The following WDR33 variants were observed in gnomAD, a reference collection of about 807,000 sequenced individuals.
WDR33 encodes pre-mRNA 3' end processing protein WDR33.
WDR33 carries 47 observed loss-of-function variants against 164.9 expected under a neutral mutation model. The ratio of observed to expected loss-of-function variants is 0.29; its 90% CI spans 0.23 to 0.36. The LOEUF is 0.36. WDR33 is among the 10% of genes least tolerant of loss of function. The pLI, the probability that WDR33 is intolerant of heterozygous loss-of-function variation, is 1.00. For missense variants in WDR33, 1,137 were observed against 1,754.1 expected (o/e 0.65, Z 6.28); for synonymous variants, 505 against 589.0 (o/e 0.86, Z 2.06).
intron 1 of WDR33, among the ~76,000 whole-genome samples, chr2:127,801,674 G>C (rs1181137785): frequency 6.6e-6 from 1 of 152,132 alleles, no homozygotes; most frequent in Non-Finnish European, 1.5e-5. Flanking sequence ...CTTGAGGTTA[G>C]GAGTTCAAGA....
intron 7 of WDR33, among the ~76,000 whole-genome samples, chr2:127,754,232 G>T (rs1687452294): frequency 6.6e-6 from 1 of 152,172 alleles, no homozygotes; most frequent in Non-Finnish European, 1.5e-5. Context: ...TTAACTCTTT[G>T]CAATGCTTGA....
Position 127,764,319 on chromosome 2 carries a change from C to A in WDR33, c.626+509G>T. ...CATTCATTACTCCGTTAATGTTTGC[C>A]ACATCCAGTTATCTGTGAGGGTTTT... On this transcript the variant is annotated intron_variant, in intron 6 of 21. Transcript: ENST00000322313. This position sits in a 1 kb window ranked among gnomAD's most constrained non-coding sequence, Gnocchi z 6.2. 7.4e-7 allele frequency: 1 copy of A among 1,344,544 alleles called. No individual in the cohort carries two copies. The highest frequency in any genetic ancestry group is 9.5e-7 in the Non-Finnish European group (1 of 1,047,928). The allele number at this position is 1,344,544 out of a possible 1,614,324, so 83.3% of individuals were successfully genotyped here.
chr2:127,711,768 A>C (rs866761383), intron 18 of WDR33, among the ~76,000 whole-genome samples: 2 of 70,268 alleles, frequency 2.8e-5, no homozygotes, highest in Non-Finnish European at 4.9e-5. Flanking sequence ...ATATATATAT[A>C]TATATATATA....
Position 127,706,912 on chromosome 2 carries a change from T to C in WDR33, c.3782-360A>G, listed in dbSNP as rs1026924048. On this transcript the variant is annotated intron_variant, in intron 21 of 21. Coordinates refer to ENST00000322313, the MANE Select transcript of WDR33 (RefSeq NM_018383.5). This position sits in a 1 kb window ranked among gnomAD's most constrained non-coding sequence, Gnocchi z 5.1. ...GCCTGCTCCCAGCCACCAGGGTATA[T>C]TGAGGGAAGGTTTGAATATACTGAC... 2.0e-5 allele frequency among the ~76,000 whole-genome samples: 3 copies of C among 152,184 alleles called. No individual in the cohort carries two copies. Among genetic ancestry groups the C allele is most frequent in the African/African-American group, 7.2e-5 (3 of 41,450 alleles).
intron 7 of WDR33, among the ~76,000 whole-genome samples, chr2:127,733,397 AGT>A (rs1423957405): frequency 6.6e-6 from 1 of 152,240 alleles, no homozygotes; most frequent in African/African-American, 2.4e-5. Flanking sequence ...AAGATTCAGC[AGT>A]ACGACTTGGA....
chr2:127,785,326 C>T (rs1688522303), intron 1 of WDR33, among the ~76,000 whole-genome samples: 1 of 152,138 alleles, frequency 6.6e-6, no homozygotes, highest in African/African-American at 2.4e-5. Context: ...ATCATTATCA[C>T]CCAAAGTCCA....
chr2:127,737,071 C>T (rs1686866173), intron 7 of WDR33: 1 of 985,346 alleles, frequency 1.0e-6, no homozygotes, highest in African/African-American at 1.7e-5. Flanking sequence ...AGCAATTTTG[C>T]AGTATGTTTT....
chr2:127,702,219 G>T lies in WDR33; in HGVS notation c.*4104C>A. ...CGCTGGGGAAGTACGCGGAGCCAGC[G>T]CCGTCGGAGACCGCGCCGGCCGAGC... On this transcript the variant is annotated 3_prime_UTR_variant, in exon 22 of 22. Transcript: ENST00000322313. 3 of 1,203,490 alleles carry T rather than the reference G, an allele frequency of 2.5e-6. No individual in the cohort carries two copies. The highest frequency in any genetic ancestry group is 7.0e-5 in the East Asian group (2 of 28,574). 74.6% of individuals were successfully genotyped at this position (1,203,490 alleles called of 1,614,324 possible). A position where few individuals can be genotyped will look rare whatever the true frequency, so the allele number is the denominator to read the frequency against.
intron 1 of WDR33, among the ~76,000 whole-genome samples, chr2:127,777,074 G>T (rs1301577878): frequency 6.6e-6 from 1 of 152,174 alleles, no homozygotes; most frequent in Non-Finnish European, 1.5e-5. Flanking sequence ...CAAGAGAGAG[G>T]AACTGAGGTA....
chr2:127,787,129 C>T, intron 1 of WDR33, among the ~76,000 whole-genome samples: 1 of 90,936 alleles, frequency 1.1e-5, no homozygotes, highest in East Asian at 2.7e-4. Flanking sequence ...ATCCATTTAA[C>T]CCTGAGTGGA....
intron 1 of WDR33, among the ~76,000 whole-genome samples, chr2:127,791,796 C>T (rs1164504838): frequency 1.3e-5 from 2 of 152,138 alleles, no homozygotes; most frequent in Non-Finnish European, 2.9e-5. Context: ...TTTTCAACTA[C>T]CAGCATGAGG....
intron 1 of WDR33, among the ~76,000 whole-genome samples, chr2:127,782,764 C>T (rs1688419156): frequency 1.3e-5 from 2 of 152,176 alleles, no homozygotes; most frequent in African/African-American, 4.8e-5. Flanking sequence ...AATCCCAACA[C>T]TTTGGGAGGC....
chr2:127,715,814 G>A (rs1353198793), intron 17 of WDR33, among the ~76,000 whole-genome samples: 4 of 152,224 alleles, frequency 2.6e-5, no homozygotes, highest in African/African-American at 9.6e-5. Context: ...CAAATTAGAA[G>A]GGATGTGGCC....
At chr2:127,789,114 AGAGACGCTCC>A (rs1573465342) in intron 1 of WDR33, among the ~76,000 whole-genome samples, 1 of 30,728 alleles carries the variant, frequency 3.3e-5, no homozygotes, top group East Asian at 7.2e-4. Context: ...GCGGCCGGGC[AGAGACGCTCC>A]TCACTTCCTA....
intron 7 of WDR33, among the ~76,000 whole-genome samples, chr2:127,740,437 G>A (rs59365132): frequency 2.6e-5 from 4 of 152,142 alleles, no homozygotes; most frequent in Non-Finnish European, 4.4e-5. Flanking sequence ...TGCCCAGGGG[G>A]ACATGGGCAG....
chr2:127,760,062 G>A (rs1447366258), intron 7 of WDR33, among the ~76,000 whole-genome samples: 2 of 152,186 alleles, frequency 1.3e-5, no homozygotes. Context: ...GGCAAGACAA[G>A]TTGTAAGGAA....
At chr2:127,808,667 G>A (rs569574491) in intron 1 of WDR33, among the ~76,000 whole-genome samples, 2 of 152,264 alleles carry the variant, frequency 1.3e-5, no homozygotes, top group East Asian at 1.9e-4. Flanking sequence ...GGCCCAGACA[G>A]GTGGATCATT....
Position 127,706,217 on chromosome 2 carries a change from A to C in WDR33, c.*106T>G, listed in dbSNP as rs1361494576. 1 of 1,037,030 alleles carries C rather than the reference A, an allele frequency of 9.6e-7. No homozygotes were observed. The highest frequency in any genetic ancestry group is 1.7e-5 in the African/African-American group (1 of 60,552). The allele number at this position is 1,037,030 out of a possible 1,614,324, so 64.2% of individuals were successfully genotyped here. Reference sequence around the variant, plus strand: ...CCTGGGATTCAGGTGCCCAGAAAAGAGTTCAGGGCTACAATGGTGCAGGCT... The same window carrying C: ...CCTGGGATTCAGGTGCCCAGAAAAGCGTTCAGGGCTACAATGGTGCAGGCT... On this transcript the variant is annotated 3_prime_UTR_variant, in exon 22 of 22. Coordinates refer to ENST00000322313, the MANE Select transcript of WDR33 (RefSeq NM_018383.5). The surrounding 1 kb of genome is among the most constrained non-coding windows in gnomAD (Gnocchi z 5.1).
At chr2:127,790,556 AC>A (rs1252495666) in intron 1 of WDR33, among the ~76,000 whole-genome samples, 10 of 152,208 alleles carry the variant, frequency 6.6e-5, no homozygotes, top group Middle Eastern at 3.2e-3. Context: ...CTCAACCTCA[AC>A]TTTCCTTTGG....
Sources: allele counts gnomAD v4.1 joint callset (sites outside exome capture counted in the v4.1 genomes callset), GRCh38; gene constraint gnomAD v4.1.1; non-coding constraint Gnocchi (gnomAD v3.1); transcripts MANE v1.5; gene names NCBI Gene and HGNC (gene_info 2026-07-23, HGNC 2026-07-21).